The following TREML1 variants were observed in gnomAD, a reference collection of about 807,000 sequenced individuals.
TREML1 encodes the protein trem-like transcript 1 protein.
A neutral mutation model predicts 22.8 loss-of-function variants in TREML1; 27 were observed. That is an observed-to-expected ratio of 1.19 (90% CI 0.87 to 1.64). The LOEUF is 1.64. Among genes scored for constraint, TREML1 ranks in the 40% most tolerant of loss-of-function variants. TREML1 has a pLI of 0.00. For synonymous variants in TREML1, 153 were observed against 161.9 expected (o/e 0.94, Z 0.42); for missense variants, 356 against 382.0 (o/e 0.93, Z 0.57).
intron 4 of TREML1, among the ~76,000 whole-genome samples, 162 bp downstream of exon 4, chr6:41,150,657 C>T (rs1238536223): frequency 6.6e-6 from 1 of 152,164 alleles, no homozygotes; most frequent in African/African-American, 2.4e-5. Context: ...TCCCTCCCCT[C>T]CATCCCTCAG....
In TREML1 at chr6:41,149,547, A is replaced by G. The variant is rs1319609994; in HGVS notation, c.*57T>C. The G allele has an allele frequency of 6.5e-7, 1 of 1,538,374 alleles. No homozygotes were observed. The highest frequency in any genetic ancestry group is 8.8e-7 in the Non-Finnish European group (1 of 1,134,478). ...GGATCCTAGGGCATGAGCTGGCTGGATGGATGCACAGAACCCCTAGGGATG... is the reference window on the plus strand; with the variant it reads ...GGATCCTAGGGCATGAGCTGGCTGGGTGGATGCACAGAACCCCTAGGGATG... On this transcript the variant is annotated 3_prime_UTR_variant, in exon 6 of 6. Transcript: ENST00000426005.
At chr6:41,153,687 A>C in intron 2 of TREML1, 71 bp downstream of exon 2, 1 of 1,471,526 alleles carries the variant, frequency 6.8e-7, no homozygotes, top group Non-Finnish European at 9.2e-7. Context: ...TCAAGAACCC[A>C]TGAGCCCTGG....
In TREML1 at chr6:41,154,105, G is replaced by A. The variant is rs752915861; in HGVS notation, c.44-15C>T. The A allele has an allele frequency of 2.5e-6, 4 of 1,604,526 alleles. No homozygotes were observed. In the South Asian group the frequency reaches 4.4e-5, roughly 18 times the overall value. ...TATGCCCTGACCTGGGGAAGGAAAG[G>A]AGGTGGGAATTTTGGGCAGGAGCTG... is the stretch of plus-strand genomic sequence containing the variant. On this transcript the variant is annotated splice_polypyrimidine_tract_variant and intron_variant, in intron 1 of 5. Coordinates refer to ENST00000426005, the MANE Select transcript of TREML1 (RefSeq NM_178174.4).
upstream of TREML1, among the ~76,000 whole-genome samples, chr6:41,155,106 T>C (rs912606511): frequency 5.3e-5 from 8 of 152,236 alleles, no homozygotes; most frequent in African/African-American, 1.4e-4. Context: ...TATTTTTAAT[T>C]TACAAGACAA....
In TREML1 at chr6:41,149,871, A is replaced by C. The variant is rs754331969; in HGVS notation, c.669T>G (p.Ala223=). The part of the protein sequence containing the change: ...VHHVSDSGPA[A]ELPLDVPHIR... Reference sequence around the variant, plus strand: ...TGTGTGGTACATCCAAAGGCAATTCAGCAGCCGGTCCAGAGTCACTGACGT... The same window carrying C: ...TGTGTGGTACATCCAAAGGCAATTCCGCAGCCGGTCCAGAGTCACTGACGT... Residue 223 remains alanine (A), a synonymous_variant, in exon 6 of 6, where the codon GCT becomes GCG. Transcript: ENST00000426005. 6.2e-7 allele frequency: 1 copy of C among 1,614,142 alleles called. No individual in the cohort carries two copies.
At chr6:41,154,215 G>C (rs1334726819) in intron 1 of TREML1, 31 bp downstream of exon 1, 1 of 1,609,542 alleles carries the variant, frequency 6.2e-7, no homozygotes, top group African/African-American at 1.3e-5. Context: ...AGCATATGGG[G>C]CCCAGAGCTG....
chr6:41,150,811 C>A lies in TREML1; in HGVS notation c.568+8G>T. On this transcript the variant is annotated splice_region_variant and intron_variant, in intron 4 of 5. Transcript: ENST00000426005. ...GGGCCAGGCTGAGATAGGAAGATAGCCACCTACCTTGTTTCCTCTTGGCCA... is the reference window on the plus strand; with the variant it reads ...GGGCCAGGCTGAGATAGGAAGATAGACACCTACCTTGTTTCCTCTTGGCCA... 1 of 1,613,344 alleles carries A rather than the reference C, an allele frequency of 6.2e-7. No homozygotes were observed. The highest frequency in any genetic ancestry group is 1.1e-5 in the South Asian group (1 of 91,058).
In TREML1 at chr6:41,149,913, G is replaced by A. The variant is rs564522446; in HGVS notation, c.627C>T (p.Pro209=). The change falls in exon 6 of 6, where the codon CCC becomes CCT. Residue 209 remains proline (P), a synonymous_variant. Coordinates refer to ENST00000426005, the MANE Select transcript of TREML1 (RefSeq NM_178174.4). Reference sequence around the variant, plus strand: ...CACTGACGTGGTGGACCACTGAGGAGGGATTCTGTAACAAAAGCAGGCAAG... The same window carrying A: ...CACTGACGTGGTGGACCACTGAGGAAGGATTCTGTAACAAAAGCAGGCAAG... ...FLSSRVSGMN[P]SSVVHHVSDS... is the part of the protein sequence containing the mutation. 1.9e-6 allele frequency: 3 copies of A among 1,611,126 alleles called. No individual in the cohort carries two copies. Among genetic ancestry groups the A allele is most frequent in the Admixed American group, 3.3e-5 (2 of 59,962 alleles).
In TREML1 at chr6:41,150,842, G is replaced by A; in HGVS notation, c.545C>T (p.Ala182Val). The change falls in exon 4 of 6, where the codon GCT becomes GTT. Residue 182 changes from alanine to valine, a missense_variant. Coordinates refer to ENST00000426005, the MANE Select transcript of TREML1 (RefSeq NM_178174.4). ...GLLVAAVVLFAVMAKRKQGNR... is the reference protein window; with the variant it reads ...GLLVAAVVLFVVMAKRKQGNR... ...ACCTTGTTTCCTCTTGGCCATCACA[G>A]CAAACAGCACCACCGCTGCCACCAG... 1 of 1,614,062 alleles carries A rather than the reference G, an allele frequency of 6.2e-7. No individual in the cohort carries two copies. The highest frequency in any genetic ancestry group is 1.6e-4 in the Middle Eastern group (1 of 6,062).
At chr6:41,151,437 T>G (rs1765244140) in intron 2 of TREML1, 53 bp from the exon 3 acceptor site, 1 of 1,519,024 alleles carries the variant, frequency 6.6e-7, no homozygotes, top group African/African-American at 1.4e-5. Context: ...TGCATGCCCA[T>G]ATGGGCAGGC....
rs2113864289 is a variant in TREML1, at chr6:41,149,534, A to G, written c.*70T>C. 2 of 1,502,476 alleles carry G rather than the reference A, an allele frequency of 1.3e-6. No homozygotes were observed. Among genetic ancestry groups the G allele is most frequent in the African/African-American group, 1.4e-5 (1 of 72,436 alleles). 93.1% of individuals were successfully genotyped at this position (1,502,476 alleles called of 1,614,324 possible). ...TCAGATATCCTAAGGATCCTAGGGC[A>G]TGAGCTGGCTGGATGGATGCACAGA... is the stretch of plus-strand genomic sequence containing the variant. On this transcript the variant is annotated 3_prime_UTR_variant, in exon 6 of 6. Transcript: ENST00000426005.
At chr6:41,152,825 A>C (rs1335966675) in intron 2 of TREML1, among the ~76,000 whole-genome samples, 1 of 152,156 alleles carries the variant, frequency 6.6e-6, no homozygotes, top group African/African-American at 2.4e-5. Flanking sequence ...GTGAGCCGAT[A>C]GTGCCACTGC....
rs374856221 is a variant in TREML1 at position 41,153,108 on chromosome 6, A to G, written c.376+650T>C. 2.7e-3 allele frequency among the ~76,000 whole-genome samples: 406 copies of G among 151,864 alleles called. 5 individuals carry two copies. In the South Asian group the frequency reaches 0.035, roughly 13 times the overall value. ...ATATTTTAAAATTTTCTTTTAACAA[A>G]TGCTTATATACTAGAAAAGTTATGG... On this transcript the variant is annotated intron_variant, in intron 2 of 5. Coordinates refer to ENST00000426005, the MANE Select transcript of TREML1 (RefSeq NM_178174.4).
intron 5 of TREML1, 78 bp downstream of exon 5, chr6:41,150,180 CCAT>C (rs1765207561): frequency 6.7e-7 from 1 of 1,494,932 alleles, no homozygotes; most frequent in Non-Finnish European, 9.2e-7. Flanking sequence ...TTTCTCCACC[CCAT>C]CATCCTAGGA....
chr6:41,153,967 G>C lies in TREML1; in HGVS notation c.167C>G (p.Pro56Arg). The change falls in exon 2 of 6, where the codon CCG becomes CGG. Residue 56 changes from proline to arginine, a missense_variant. By Grantham distance (103) the Pro-to-Arg change is moderately radical. Transcript: ENST00000426005. ...KAQKVWCRFLPEGCQPLVSSA... is the reference protein window; with the variant it reads ...KAQKVWCRFLREGCQPLVSSA... ...GGACACCAGGGGCTGGCACCCCTCC[G>C]GCAAGAACCGGCACCACACCTTCTG... The C allele has an allele frequency of 6.2e-7, 1 of 1,614,098 alleles. No individual in the cohort carries two copies.
Position 41,149,901 on chromosome 6 carries a change from G to T in TREML1, c.639C>A (p.Val213=), listed in dbSNP as rs200033817. The T allele has an allele frequency of 6.2e-7, 1 of 1,613,334 alleles. No homozygotes were observed. Among genetic ancestry groups the T allele is most frequent in the South Asian group, 1.1e-5 (1 of 91,062 alleles). Residue 213 remains valine (V), a synonymous_variant, in exon 6 of 6, where the codon GTC becomes GTA. Transcript: ENST00000426005. ...CCGGTCCAGAGTCACTGACGTGGTGGACCACTGAGGAGGGATTCTGTAACA... is the reference window on the plus strand; with the variant it reads ...CCGGTCCAGAGTCACTGACGTGGTGTACCACTGAGGAGGGATTCTGTAACA... The part of the protein sequence containing the change: ...RVSGMNPSSV[V]HHVSDSGPAA...
At chr6:41,150,727 G>C (rs1198901114) in intron 4 of TREML1, 92 bp downstream of exon 4, 3 of 1,158,342 alleles carry the variant, frequency 2.6e-6, no homozygotes, top group Non-Finnish European at 3.9e-6. Flanking sequence ...TCCATTTGTA[G>C]GGGGATTGGA....
intron 3 of TREML1, 99 bp from the exon 4 acceptor site, chr6:41,151,006 T>C (rs1765230092): frequency 9.8e-7 from 1 of 1,025,366 alleles, no homozygotes; most frequent in South Asian, 1.3e-5. Context: ...ACATTCTTGA[T>C]TGGGAGAGGG....
chr6:41,149,888 C>T lies in TREML1; in HGVS notation c.652G>A (p.Asp218Asn). The change falls in exon 6 of 6, where the codon GAC becomes AAC. Residue 218 changes from aspartate (D) to asparagine (N), a missense_variant. Transcript: ENST00000426005. ...NPSSVVHHVSDSGPAAELPLD... is the reference protein window; with the variant it reads ...NPSSVVHHVSNSGPAAELPLD... ...GGCAATTCAGCAGCCGGTCCAGAGTCACTGACGTGGTGGACCACTGAGGAG... is the reference window on the plus strand; with the variant it reads ...GGCAATTCAGCAGCCGGTCCAGAGTTACTGACGTGGTGGACCACTGAGGAG... The T allele has an allele frequency of 6.2e-7, 1 of 1,613,900 alleles. No individual in the cohort carries two copies. Among genetic ancestry groups the T allele is most frequent in the Non-Finnish European group, 8.5e-7 (1 of 1,179,930 alleles).
Sources: gnomAD v4.1 joint callset for allele counts (sites outside exome capture counted in the v4.1 genomes callset) on GRCh38, gnomAD v4.1.1 for gene constraint, MANE v1.5 for transcripts, NCBI Gene and HGNC (gene_info 2026-07-23, HGNC 2026-07-21) for gene names.